The following PTPRD variants were observed in gnomAD, a reference collection of about 807,000 sequenced individuals.
The protein encoded by PTPRD is protein tyrosine phosphatase receptor type D.
Under a neutral mutation model 214.5 loss-of-function variants are expected in PTPRD, and 34 were observed. The observed-to-expected ratio is 0.16, with a 90% CI of 0.12 to 0.21. PTPRD has a LOEUF of 0.21. Among genes scored for constraint, PTPRD ranks in the 10% least tolerant of loss-of-function variants. The probability of loss-of-function intolerance (pLI) is 1.00; values close to 1 mark genes in which losing one functional copy is unlikely to be tolerated. For missense variants in PTPRD, 2,545 were observed against 2,398.7 expected, an observed-to-expected ratio of 1.06 and a Z score of -1.27; for synonymous variants, 1,128 against 845.7, an observed-to-expected ratio of 1.33 and a Z score of -5.79.
At chr9:10,114,544 C>T (rs906245504) in intron 3 of PTPRD, among the ~76,000 whole-genome samples, 1 of 151,846 alleles carries the variant, frequency 6.6e-6, no homozygotes, top group Non-Finnish European at 1.5e-5. Flanking sequence ...TAAACTTATA[C>T]ATATATATGT....
At chr9:9,088,666 C>T (rs1485356575) in intron 10 of PTPRD, among the ~76,000 whole-genome samples, 3 of 137,488 alleles carry the variant, frequency 2.2e-5, no homozygotes, top group Non-Finnish European at 4.6e-5. Context: ...CAAATATTAA[C>T]ACAGAGTACT....
chr9:9,943,722 T>A (rs2092057099), intron 4 of PTPRD, among the ~76,000 whole-genome samples: 1 of 152,092 alleles, frequency 6.6e-6, no homozygotes. Flanking sequence ...ATTGTGCAGT[T>A]CTCTAGAGGA....
chr9:10,368,910 C>T (rs2097562072), intron 2 of PTPRD, among the ~76,000 whole-genome samples: 1 of 151,984 alleles, frequency 6.6e-6, no homozygotes, highest in Non-Finnish European at 1.5e-5. Context: ...ATGAAGTAGC[C>T]AGAGGATATG....
intron 8 of PTPRD, among the ~76,000 whole-genome samples, chr9:9,545,992 T>C (rs1331270258): frequency 6.6e-6 from 1 of 151,798 alleles, no homozygotes; most frequent in African/African-American, 2.4e-5. Flanking sequence ...CTCACATAGA[T>C]CTTGTCCATA....
intron 11 of PTPRD, among the ~76,000 whole-genome samples, chr9:8,754,685 C>G (rs2093828271): frequency 6.6e-6 from 1 of 151,928 alleles, no homozygotes; most frequent in Non-Finnish European, 1.5e-5. Context: ...TTTCTCAAAG[C>G]ATGTTTTGAA....
intron 8 of PTPRD, among the ~76,000 whole-genome samples, chr9:9,466,294 G>A (rs10977789): frequency 0.48 from 72,634 of 151,966 alleles, 17,784 homozygotes; most frequent in East Asian, 0.67. Context: ...GGGCAACAGA[G>A]TGACACCCTG....
At chr9:10,351,646 T>C (rs2097184754) in intron 2 of PTPRD, among the ~76,000 whole-genome samples, 2 of 146,454 alleles carry the variant, frequency 1.4e-5, no homozygotes, top group South Asian at 4.4e-4. Flanking sequence ...TTAGTACCTC[T>C]CATATTTTAA....
At chr9:8,937,442 C>G (rs1358841711) in intron 11 of PTPRD, among the ~76,000 whole-genome samples, 2 of 152,150 alleles carry the variant, frequency 1.3e-5, no homozygotes, top group Non-Finnish European at 2.9e-5. Context: ...CATAAGTGCT[C>G]TAGTTCACCC....
chr9:8,731,935 G>A (rs1266839821), intron 12 of PTPRD, among the ~76,000 whole-genome samples: 1 of 152,296 alleles, frequency 6.6e-6, no homozygotes, highest in African/African-American at 2.4e-5. Context: ...AGGAGTGAGA[G>A]GGAGTAGATT....
intron 7 of PTPRD, among the ~76,000 whole-genome samples, chr9:9,699,573 C>T (rs192858152): frequency 2.0e-4 from 30 of 152,158 alleles, no homozygotes; most frequent in African/African-American, 7.2e-4. Flanking sequence ...TTTTACCCCC[C>T]CAATACAGCT....
At chr9:9,170,282 G>A (rs955060111) in intron 10 of PTPRD, among the ~76,000 whole-genome samples, 36 of 152,080 alleles carry the variant, frequency 2.4e-4, no homozygotes, top group African/African-American at 8.0e-4. Context: ...TAGAGTTCTT[G>A]TTCAAAATCA....
chr9:10,392,874 T>A (rs946413415), intron 2 of PTPRD, among the ~76,000 whole-genome samples: 1 of 151,820 alleles, frequency 6.6e-6, no homozygotes, highest in African/African-American at 2.4e-5. Context: ...ATGGAGCAGA[T>A]TTCTGAGGCC....
At chr9:9,806,999 A>T (rs1279348989) in intron 5 of PTPRD, among the ~76,000 whole-genome samples, 1 of 152,146 alleles carries the variant, frequency 6.6e-6, no homozygotes, top group Non-Finnish European at 1.5e-5. Context: ...GAACAAAGAC[A>T]ATATGTAAAA....
At chr9:9,991,722 A>G (rs543454922) in intron 4 of PTPRD, among the ~76,000 whole-genome samples, 39 of 152,186 alleles carry the variant, frequency 2.6e-4, no homozygotes, top group African/African-American at 9.1e-4. Context: ...AAAGATAGGG[A>G]TGATGTATAT....
intron 3 of PTPRD, among the ~76,000 whole-genome samples, chr9:10,197,898 G>A (rs1283038742): frequency 2.6e-5 from 4 of 152,060 alleles, no homozygotes; most frequent in Admixed American, 6.6e-5. Context: ...TTTCAGATAA[G>A]GTTGATGGCA....
intron 2 of PTPRD, among the ~76,000 whole-genome samples, chr9:10,429,477 G>C (rs1429570742): frequency 6.6e-6 from 1 of 151,926 alleles, no homozygotes; most frequent in Non-Finnish European, 1.5e-5. Flanking sequence ...TATATGCACA[G>C]TAAGATACTA....
At chr9:9,077,261 G>A (rs747650037) in intron 10 of PTPRD, among the ~76,000 whole-genome samples, 1 of 151,240 alleles carries the variant, frequency 6.6e-6, no homozygotes, top group Non-Finnish European at 1.5e-5. Flanking sequence ...CCATTCTGTG[G>A]GTTGTCTCTT....
chr9:8,705,323 G>C lies in PTPRD; in HGVS notation c.64+28457C>G, dbSNP rs781238754. Among the ~76,000 whole-genome samples, 3 of 152,242 alleles carry C rather than the reference G, an allele frequency of 2.0e-5. 1 individual carries two copies. In the South Asian group the frequency reaches 6.2e-4, roughly 32 times the overall value. ...GCAACCTCCGCCTCTGGGATTCTGT[G>C]ATTCTCCTGCCTCAGCCTCCCGAGT... On this transcript the variant is annotated intron_variant, in intron 12 of 45. Coordinates refer to ENST00000381196, the MANE Select transcript of PTPRD (RefSeq NM_002839.4).
chr9:9,557,925 G>A (rs933013051), intron 8 of PTPRD, among the ~76,000 whole-genome samples: 2 of 152,144 alleles, frequency 1.3e-5, no homozygotes, highest in African/African-American at 2.4e-5. Context: ...ACTTAAACTA[G>A]CTTTCTCATT....
Sources: gnomAD v4.1 joint callset for allele counts (sites outside exome capture counted in the v4.1 genomes callset) on GRCh38, gnomAD v4.1.1 for gene constraint, MANE v1.5 for transcripts, NCBI Gene and HGNC (gene_info 2026-07-23, HGNC 2026-07-21) for gene names.